Variants in NRG1 observed in about 807,000 individuals in gnomAD.
NRG1 encodes pro-neuregulin-1, membrane-bound isoform.
Under a neutral mutation model 63.8 loss-of-function variants are expected in NRG1, and 18 were observed. That is an observed-to-expected ratio of 0.28 (90% confidence interval 0.19 to 0.42). NRG1 has a LOEUF of 0.42. Ranked by LOEUF, NRG1 falls within the 10% of genes least tolerant of loss-of-function variation. The pLI is 1.00. For synonymous variants in NRG1, 302 were observed against 301.3 expected, an observed-to-expected ratio of 1.00 and a Z score of -0.02; for missense variants, 762 against 814.7, an observed-to-expected ratio of 0.94 and a Z score of 0.79.
At chr8:32,441,208 T>C (rs1819492416) in intron 1 of NRG1, 1 of 152,174 alleles carries the variant, frequency 6.6e-6, no homozygotes, top group Admixed American at 6.6e-5. Flanking sequence ...TGATAGTTTT[T>C]GTTGGTACAT....
chr8:32,120,894 T>C (rs1450876710), intron 1 of NRG1, among the ~76,000 whole-genome samples: 1 of 152,036 alleles, frequency 6.6e-6, no homozygotes, highest in Admixed American at 6.6e-5. Flanking sequence ...CCTTCTCAAA[T>C]AGGGCATGGT....
chr8:32,382,121 A>G (rs1304317070), intron 1 of NRG1, among the ~76,000 whole-genome samples: 1 of 152,174 alleles, frequency 6.6e-6, no homozygotes, highest in East Asian at 1.9e-4. Context: ...CTCATTAACT[A>G]TTACTGCAGT....
At chr8:31,949,129 G>A (rs1803076464) in intron 1 of NRG1, among the ~76,000 whole-genome samples, 1 of 152,192 alleles carries the variant, frequency 6.6e-6, no homozygotes, top group African/African-American at 2.4e-5. Context: ...AATAGCTAAT[G>A]TATTTTGAGT....
intron 1 of NRG1, among the ~76,000 whole-genome samples, chr8:31,817,215 A>G (rs1226317988): frequency 1.3e-5 from 2 of 152,204 alleles, no homozygotes; most frequent in African/African-American, 4.8e-5. Context: ...TGCACCTAAG[A>G]ATGTTCTCGC....
chr8:32,023,924 T>A (rs1444446180), intron 1 of NRG1, among the ~76,000 whole-genome samples: 2 of 152,134 alleles, frequency 1.3e-5, no homozygotes, highest in Admixed American at 1.3e-4. Flanking sequence ...CCTGCTTGCA[T>A]TGGAATACCG....
intron 6 of NRG1, 37 bp from the exon 7 acceptor site, chr8:32,741,971 G>A (rs1268033042): frequency 1.3e-6 from 2 of 1,547,094 alleles, no homozygotes; most frequent in African/African-American, 1.4e-5. Context: ...AGTGTCTTTA[G>A]CATTTTTTTT....
intron 1 of NRG1, among the ~76,000 whole-genome samples, chr8:31,679,415 T>G (rs1331519742): frequency 6.6e-6 from 1 of 152,170 alleles, no homozygotes; most frequent in East Asian, 1.9e-4. Context: ...GTTTTGTCAC[T>G]GCTTTGTCTC....
intron 1 of NRG1, among the ~76,000 whole-genome samples, chr8:31,677,121 T>C (rs940538081): frequency 5.3e-5 from 8 of 152,188 alleles, no homozygotes; most frequent in African/African-American, 1.7e-4. Flanking sequence ...CTAAAATCCC[T>C]GTATGAAATA....
intron 5 of NRG1, among the ~76,000 whole-genome samples, chr8:32,620,025 G>C (rs905245881): frequency 6.6e-6 from 1 of 152,132 alleles, no homozygotes; most frequent in Non-Finnish European, 1.5e-5. Flanking sequence ...GCATTGCAGG[G>C]AACGACTGTG....
chr8:32,709,734 A>G (rs567063256), intron 5 of NRG1, among the ~76,000 whole-genome samples: 1 of 152,148 alleles, frequency 6.6e-6, no homozygotes, highest in South Asian at 2.1e-4. Flanking sequence ...TTTATTATAT[A>G]TATATTTTTT....
chr8:32,355,998 C>A (rs1376894772), intron 1 of NRG1, among the ~76,000 whole-genome samples: 1 of 151,978 alleles, frequency 6.6e-6, no homozygotes, highest in Non-Finnish European at 1.5e-5. Flanking sequence ...AGTGAGGAGA[C>A]TGTAATTAGC....
chr8:32,609,384 C>T (rs1186238365), intron 3 of NRG1, among the ~76,000 whole-genome samples: 1 of 152,004 alleles, frequency 6.6e-6, no homozygotes, highest in Non-Finnish European at 1.5e-5. Flanking sequence ...TCCTGTCTCC[C>T]TAGGAATCAG....
intron 5 of NRG1, among the ~76,000 whole-genome samples, chr8:32,725,883 T>A (rs532902094): frequency 3.9e-4 from 59 of 152,298 alleles, no homozygotes; most frequent in Admixed American, 9.8e-4. Context: ...TTATATGCTG[T>A]GTGATATATA....
intron 1 of NRG1, among the ~76,000 whole-genome samples, chr8:32,313,434 C>T (rs116718183): frequency 1.2e-3 from 185 of 152,126 alleles, no homozygotes; most frequent in Middle Eastern, 0.01. Context: ...TTATAAATAA[C>T]GAGTCCTCTG....
chr8:32,740,245 G>A (rs1372304787), intron 6 of NRG1, among the ~76,000 whole-genome samples: 3 of 139,814 alleles, frequency 2.1e-5, no homozygotes, highest in Admixed American at 1.5e-4. Flanking sequence ...TCCCAGGCTG[G>A]AGTGCAATGG....
intron 1 of NRG1, among the ~76,000 whole-genome samples, chr8:31,919,353 A>C (rs1417897607): frequency 1.3e-5 from 2 of 151,674 alleles, no homozygotes; most frequent in African/African-American, 2.4e-5. Flanking sequence ...CTTTTCAACC[A>C]AATACAATAA....
chr8:32,451,407 G>A (rs1035048264), intron 1 of NRG1, among the ~76,000 whole-genome samples: 2 of 152,210 alleles, frequency 1.3e-5, no homozygotes, highest in Non-Finnish European at 2.9e-5. Context: ...AAAGGAAATG[G>A]AAGCCCAAAT....
At chr8:31,832,478 C>G (rs1037431053) in intron 1 of NRG1, among the ~76,000 whole-genome samples, 3 of 152,084 alleles carry the variant, frequency 2.0e-5, no homozygotes, top group Non-Finnish European at 2.9e-5. Flanking sequence ...AGGCTGGTCT[C>G]AAACTCCTGG....
At chr8:32,127,301 C>T (rs1176772979) in intron 1 of NRG1, among the ~76,000 whole-genome samples, 1 of 151,814 alleles carries the variant, frequency 6.6e-6, no homozygotes, top group Non-Finnish European at 1.5e-5. Flanking sequence ...CAGTGTTAGC[C>T]TAATCTGAGC....
Sources: allele counts gnomAD v4.1 joint callset (sites outside exome capture counted in the v4.1 genomes callset), GRCh38; gene constraint gnomAD v4.1.1; transcripts MANE v1.5; gene names NCBI Gene and HGNC (gene_info 2026-07-23, HGNC 2026-07-21).